The following GNAO1 variants were observed in gnomAD, a reference collection of about 807,000 sequenced individuals.
GNAO1 encodes the protein guanine nucleotide-binding protein G(o) subunit alpha.
For synonymous variants in GNAO1, 164 were observed against 180.7 expected (o/e 0.91, Z 0.74); for missense variants, 166 against 478.7 (o/e 0.35, Z 6.10).
intron 2 of GNAO1, among the ~76,000 whole-genome samples, chr16:56,208,969 A>G (rs1206958103): frequency 6.6e-6 from 1 of 151,522 alleles, no homozygotes; most frequent in East Asian, 1.9e-4. Flanking sequence ...TGCTAAACAG[A>G]TATTTCTCTT....
intron 5 of GNAO1, 51 bp from the exon 6 acceptor site, chr16:56,336,680 C>T (rs1341683428): frequency 6.5e-6 from 10 of 1,543,864 alleles, no homozygotes; most frequent in South Asian, 1.2e-5. Flanking sequence ...AATCCCCAGG[C>T]AGCCCTCACC....
At chr16:56,306,485 G>C (rs1262753361) in intron 3 of GNAO1, among the ~76,000 whole-genome samples, 2 of 152,146 alleles carry the variant, frequency 1.3e-5, no homozygotes, top group Admixed American at 1.3e-4. Context: ...CAGTGAGGTG[G>C]ACTTATGACC....
intron 2 of GNAO1, 37 bp from the exon 3 acceptor site, chr16:56,275,894 G>A (rs748368535): frequency 6.3e-7 from 1 of 1,583,176 alleles, no homozygotes; most frequent in South Asian, 1.2e-5. Context: ...TGAGGACAAT[G>A]CTCTCATCAG....
At chr16:56,281,629 C>T (rs574349740) in intron 3 of GNAO1, among the ~76,000 whole-genome samples, 1 of 152,102 alleles carries the variant, frequency 6.6e-6, no homozygotes, top group South Asian at 2.1e-4. Context: ...CCTTCCTCCT[C>T]ACTCCAGCTC....
At position 56,342,592 on chromosome 16, in the gene GNAO1, G is replaced by A. The variant is rs16956364; in HGVS notation, c.723+5732G>A. ...GAGGAAGGCAGCATGTGAGCCAGGC[G>A]GTTGTTAATCCCCTGTGAGTGGACA... On this transcript the variant is annotated intron_variant, in intron 6 of 8. Coordinates refer to ENST00000262493, the MANE Select transcript of GNAO1 (RefSeq NM_020988.3). Among the ~76,000 whole-genome samples, 1,495 of 152,320 alleles carry A rather than the reference G, an allele frequency of 9.8e-3. 44 individuals are homozygous for A. Among genetic ancestry groups the A allele is most frequent in the East Asian group, 0.069 (360 of 5,182 alleles).
At chr16:56,195,184 A>C (rs150365538) in intron 2 of GNAO1, among the ~76,000 whole-genome samples, 73 of 150,874 alleles carry the variant, frequency 4.8e-4, no homozygotes, top group African/African-American at 1.6e-3. Flanking sequence ...CAATACACCA[A>C]CTCTCTTTAG....
At chr16:56,233,353 A>G (rs2036608454) in intron 2 of GNAO1, among the ~76,000 whole-genome samples, 1 of 152,338 alleles carries the variant, frequency 6.6e-6, no homozygotes, top group South Asian at 2.1e-4. Flanking sequence ...GGTTGGATGA[A>G]TAAGTGAATG....
intron 3 of GNAO1, among the ~76,000 whole-genome samples, chr16:56,324,175 C>A (rs1567483691): frequency 6.6e-6 from 1 of 152,178 alleles, no homozygotes; most frequent in Non-Finnish European, 1.5e-5. Flanking sequence ...GGAGTGGGAC[C>A]CATTAAATTC....
At chr16:56,225,888 A>T (rs1212280607) in intron 2 of GNAO1, among the ~76,000 whole-genome samples, 1 of 152,074 alleles carries the variant, frequency 6.6e-6, no homozygotes, top group Non-Finnish European at 1.5e-5. Context: ...TAAAGTAGGC[A>T]GGGAGAGCTT....
At chr16:56,308,711 G>A (rs542288277) in intron 3 of GNAO1, among the ~76,000 whole-genome samples, 131 of 152,312 alleles carry the variant, frequency 8.6e-4, no homozygotes, top group Non-Finnish European at 1.5e-3. Context: ...ACAGAGGAGG[G>A]ATCACAGTGG....
chr16:56,262,908 G>A (rs2143487867), intron 2 of GNAO1, among the ~76,000 whole-genome samples: 1 of 152,380 alleles, frequency 6.6e-6, no homozygotes, highest in East Asian at 1.9e-4. Flanking sequence ...AAAGCTCTCT[G>A]TCATGTCTCT....
At chr16:56,219,330 T>A (rs1322236516) in intron 2 of GNAO1, among the ~76,000 whole-genome samples, 4 of 152,052 alleles carry the variant, frequency 2.6e-5, no homozygotes, top group Non-Finnish European at 5.9e-5. Flanking sequence ...AGCCCTCCCC[T>A]CTCTGGCAAG....
At chr16:56,337,834 A>G (rs1343143868) in intron 6 of GNAO1, among the ~76,000 whole-genome samples, 2 of 152,122 alleles carry the variant, frequency 1.3e-5, no homozygotes, top group African/African-American at 4.8e-5. Context: ...AGCATGGCCC[A>G]CAGGGTCACT....
At chr16:56,276,675 G>A (rs1171833407) in intron 3 of GNAO1, 1 of 152,248 alleles carries the variant, frequency 6.6e-6, no homozygotes, top group Non-Finnish European at 1.5e-5. Flanking sequence ...CTATATAAAA[G>A]CCTCTAATTT....
Position 56,321,386 on chromosome 16 carries a change from C to G in GNAO1, c.304-7245C>G, listed in dbSNP as rs1041507175. On this transcript the variant is annotated intron_variant, in intron 3 of 8. Coordinates refer to ENST00000262493, the MANE Select transcript of GNAO1 (RefSeq NM_020988.3). Reference sequence around the variant, plus strand: ...GCCTCCCTCTCAGCTCTGCTTTCCTCAGTGTTGGCTGCACACTCAGAGGGG... The same window carrying G: ...GCCTCCCTCTCAGCTCTGCTTTCCTGAGTGTTGGCTGCACACTCAGAGGGG... Among the ~76,000 whole-genome samples, 5 of 152,322 alleles carry G rather than the reference C, an allele frequency of 3.3e-5. No individual in the cohort carries two copies. The South Asian group carries it at 1.0e-3, about 32-fold the overall frequency.
intron 2 of GNAO1, among the ~76,000 whole-genome samples, chr16:56,242,097 C>T (rs566936733): frequency 6.6e-6 from 1 of 152,314 alleles, no homozygotes; most frequent in Admixed American, 6.5e-5. Context: ...ATGCTAATAG[C>T]AAACATGCAT....
Position 56,195,616 on chromosome 16 carries a change from G to A in GNAO1, c.161+3000G>A, listed in dbSNP as rs115686664. 9.0e-3 allele frequency among the ~76,000 whole-genome samples: 1,365 copies of A among 152,320 alleles called. 19 individuals carry two copies. The highest frequency in any genetic ancestry group is 0.031 in the African/African-American group (1,269 of 41,558). On this transcript the variant is annotated intron_variant, in intron 2 of 8. Transcript: ENST00000262493. Reference sequence around the variant, plus strand: ...CCAACCTATCAGGCCATATGTACAGGTTAATTAGGAAGCTGTGTTGTTTCA... The same window carrying A: ...CCAACCTATCAGGCCATATGTACAGATTAATTAGGAAGCTGTGTTGTTTCA...
chr16:56,198,326 TCACA>T (rs1183088326), intron 2 of GNAO1, among the ~76,000 whole-genome samples: 5 of 152,184 alleles, frequency 3.3e-5, no homozygotes, highest in African/African-American at 1.2e-4. Context: ...TCCCTCTCAT[TCACA>T]CACAGCATTG....
intron 2 of GNAO1, among the ~76,000 whole-genome samples, chr16:56,228,999 T>C (rs1179857945): frequency 6.6e-6 from 1 of 152,250 alleles, no homozygotes; most frequent in African/African-American, 2.4e-5. Flanking sequence ...GTGTGTGTGG[T>C]ACATAGTAGG....
Sources: gnomAD v4.1 joint callset for allele counts (sites outside exome capture counted in the v4.1 genomes callset) on GRCh38, gnomAD v4.1.1 for gene constraint, MANE v1.5 for transcripts, NCBI Gene and HGNC (gene_info 2026-07-23, HGNC 2026-07-21) for gene names.